The following ATP2A2 variants were observed in gnomAD, a reference collection of about 807,000 sequenced individuals.
The protein encoded by ATP2A2 is ATPase sarcoplasmic/endoplasmic reticulum Ca2+ transporting 2.
ATP2A2 carries 14 observed loss-of-function variants against 109.3 expected under a neutral mutation model. The observed-to-expected ratio is 0.13, with a 90% CI of 0.08 to 0.20. The LOEUF (loss-of-function observed/expected upper bound fraction) is 0.20. ATP2A2 is among the 10% of genes least tolerant of loss of function. The pLI, the probability that ATP2A2 is intolerant of heterozygous loss-of-function variation, is 1.00. For synonymous variants in ATP2A2, 506 were observed against 490.9 expected (o/e 1.03, Z -0.41); for missense variants, 657 against 1,321.6 (o/e 0.50, Z 7.80).
chr12:110,300,381 A>G (rs1316455223), intron 5 of ATP2A2, among the ~76,000 whole-genome samples: 2 of 134,098 alleles, frequency 1.5e-5, no homozygotes, highest in African/African-American at 5.7e-5. Flanking sequence ...TAAAGACGGA[A>G]TCTTGAACTG....
At position 110,282,614 on chromosome 12, in the gene ATP2A2, T is replaced by C. The variant is rs151294187; in HGVS notation, c.129T>C (p.Ala43=). 3.1e-6 allele frequency: 5 copies of C among 1,614,092 alleles called. No individual in the cohort carries two copies. In the East Asian group the frequency reaches 6.7e-5, roughly 22 times the overall value. The part of the protein sequence containing the change: ...KERWGSNELP[A]EEGKTLLELV... Reference sequence around the variant, plus strand: ...TTCTACATTCTACAGAGTTACCGGCTGAAGAAGGTAATCTTAACATGCTGT... The same window carrying C: ...TTCTACATTCTACAGAGTTACCGGCCGAAGAAGGTAATCTTAACATGCTGT... Residue 43 remains alanine (A), a synonymous_variant, in exon 2 of 20, where the codon GCT becomes GCC. Coordinates refer to ENST00000539276, the MANE Select transcript of ATP2A2 (RefSeq NM_170665.4).
At chr12:110,325,101 T>C (rs1404366582) in intron 6 of ATP2A2, among the ~76,000 whole-genome samples, 2 of 151,988 alleles carry the variant, frequency 1.3e-5, no homozygotes, top group South Asian at 2.1e-4. Flanking sequence ...ACATAAGTCA[T>C]CACACCCAGC....
In ATP2A2 at chr12:110,333,222, G is replaced by A; in HGVS notation, c.1226G>A (p.Gly409Asp). The A allele has an allele frequency of 6.2e-7, 1 of 1,614,072 alleles. No individual in the cohort carries two copies. The highest frequency in any genetic ancestry group is 8.5e-7 in the Non-Finnish European group (1 of 1,179,940). ...CCAGTGAATTGTCACCAGTATGATG[G>A]TCTGGTAGAATTAGCAACAATTTGT... ...DKPVNCHQYD[G>D]LVELATICAL... Residue 409 changes from glycine to aspartate, a missense_variant, in exon 10 of 20, where the codon GGT becomes GAT. Physicochemically the swap from Gly to Asp is moderately conservative, Grantham distance 94. Around this residue, in one of 9 missense-constraint regions of ATP2A2, gnomAD observed 2 missense variants for 19.4 expected, o/e 0.10. Transcript: ENST00000539276.
intron 5 of ATP2A2, among the ~76,000 whole-genome samples, chr12:110,298,475 T>A (rs1874204378): frequency 6.6e-6 from 1 of 152,190 alleles, no homozygotes; most frequent in African/African-American, 2.4e-5. Flanking sequence ...ATCCCAGCAC[T>A]TTGGGAGGCT....
At chr12:110,344,166 C>T (rs1055977363) in intron 16 of ATP2A2, among the ~76,000 whole-genome samples, 2 of 152,096 alleles carry the variant, frequency 1.3e-5, no homozygotes, top group East Asian at 1.9e-4. Context: ...TCCGGACATG[C>T]GTAGTGCCTC....
At chr12:110,336,632 C>G (rs1172258609) in intron 11 of ATP2A2, among the ~76,000 whole-genome samples, 1 of 152,166 alleles carries the variant, frequency 6.6e-6, no homozygotes, top group Non-Finnish European at 1.5e-5. Flanking sequence ...GCGTGGTCTT[C>G]CGGTTAGTGT....
chr12:110,337,413 C>T (rs1312491374), intron 11 of ATP2A2, among the ~76,000 whole-genome samples: 3 of 152,218 alleles, frequency 2.0e-5, no homozygotes, highest in South Asian at 2.1e-4. Context: ...AGAATCATTG[C>T]GTGTTCCTTT....
Position 110,349,038 on chromosome 12 carries a change from T to C in ATP2A2, c.*2568T>C. 1 of 985,332 alleles carries C rather than the reference T, an allele frequency of 1.0e-6. No homozygotes were observed. The highest frequency in any genetic ancestry group is 1.2e-6 in the Non-Finnish European group (1 of 829,924). 61.0% of individuals were successfully genotyped at this position (985,332 alleles called of 1,614,324 possible). A position where few individuals can be genotyped will look rare whatever the true frequency, so the allele number is the denominator to read the frequency against. On this transcript the variant is annotated 3_prime_UTR_variant, in exon 20 of 20. Transcript: ENST00000539276. ...GCACAGCCCCTAGTTAGCTTCATGGTTTCTCAGCTTCAGACCCCTCCAGCC... is the reference window on the plus strand; with the variant it reads ...GCACAGCCCCTAGTTAGCTTCATGGCTTCTCAGCTTCAGACCCCTCCAGCC...
chr12:110,335,523 A>T (rs1878758627), intron 11 of ATP2A2, among the ~76,000 whole-genome samples: 1 of 152,240 alleles, frequency 6.6e-6, no homozygotes, highest in African/African-American at 2.4e-5. Context: ...TCAAAAAAAA[A>T]TTAAGGCCTG....
At chr12:110,299,595 C>G (rs1396293961) in intron 5 of ATP2A2, among the ~76,000 whole-genome samples, 1 of 152,138 alleles carries the variant, frequency 6.6e-6, no homozygotes, top group Non-Finnish European at 1.5e-5. Context: ...GAGTGAGCCT[C>G]TGACTTAGTT....
intron 1 of ATP2A2, 135 bp from the exon 2 acceptor site, chr12:110,282,469 G>A: frequency 2.5e-6 from 3 of 1,206,750 alleles, no homozygotes; most frequent in East Asian, 2.3e-5. Flanking sequence ...TTATAGCTAG[G>A]TCTGTGTTTT....
intron 11 of ATP2A2, among the ~76,000 whole-genome samples, chr12:110,337,611 C>T (rs954963099): frequency 6.6e-6 from 1 of 152,234 alleles, no homozygotes; most frequent in African/African-American, 2.4e-5. Context: ...AGCCTTCAGT[C>T]CTCCCGTAGC....
chr12:110,297,252 A>G (rs1214909700), intron 5 of ATP2A2, among the ~76,000 whole-genome samples: 1 of 151,990 alleles, frequency 6.6e-6, no homozygotes, highest in African/African-American at 2.4e-5. Context: ...ACCCTGGCCA[A>G]CATGAAACCT....
intron 6 of ATP2A2, 75 bp downstream of exon 6, chr12:110,323,147 C>T: frequency 9.2e-7 from 1 of 1,086,132 alleles, no homozygotes; most frequent in Non-Finnish European, 1.4e-6. Flanking sequence ...TGGCTCTTGC[C>T]TCACTGTCCC....
chr12:110,281,273 C>T lies in ATP2A2; in HGVS notation c.-517C>T, dbSNP rs1309838255. 2 of 151,538 alleles carry T rather than the reference C, an allele frequency of 1.3e-5. No individual in the cohort carries two copies. The highest frequency in any genetic ancestry group is 2.9e-5 in the Non-Finnish European group (2 of 67,852). 9.4% of individuals were successfully genotyped at this position (151,538 alleles called of 1,614,324 possible). ...TTAGAGCAGCCGCCGCGGAGCCGTC[C>T]CCGACGCCACCTCCTTTTCCTTCGC... On this transcript the variant is annotated 5_prime_UTR_variant, in exon 1 of 20. Coordinates refer to ENST00000539276, the MANE Select transcript of ATP2A2 (RefSeq NM_170665.4).
intron 4 of ATP2A2, among the ~76,000 whole-genome samples, chr12:110,293,675 C>G (rs1052330301): frequency 6.6e-6 from 1 of 150,604 alleles, no homozygotes; most frequent in African/African-American, 2.4e-5. Flanking sequence ...GGATTACATG[C>G]GTGAGCCACC....
chr12:110,329,733 T>C (rs1878162708), intron 8 of ATP2A2: 2 of 152,230 alleles, frequency 1.3e-5, no homozygotes, highest in Admixed American at 6.6e-5. Context: ...TCCTATATTT[T>C]TTGACCATCA....
At chr12:110,314,328 CAAAAAAAGAAAAAAAA>C (rs1876424630) in intron 5 of ATP2A2, among the ~76,000 whole-genome samples, 1 of 70,946 alleles carries the variant, frequency 1.4e-5, no homozygotes, top group Non-Finnish European at 2.5e-5. Context: ...AACTCTGTCT[CAAAAAAAGAAAAAAAA>C]AAAAAAAGTA....
chr12:110,289,313 T>C (rs889485736), intron 3 of ATP2A2, among the ~76,000 whole-genome samples: 5 of 152,226 alleles, frequency 3.3e-5, no homozygotes, highest in Non-Finnish European at 4.4e-5. Context: ...GTTTCTGATA[T>C]GCTCTCCTTG....
Sources: gnomAD v4.1 joint callset for allele counts (sites outside exome capture counted in the v4.1 genomes callset) on GRCh38, gnomAD v4.1.1 for gene constraint, gnomAD v4.1.1 regional missense constraint, MANE v1.5 for transcripts, NCBI Gene and HGNC (gene_info 2026-07-23, HGNC 2026-07-21) for gene names.